The following GRID2 variants were observed in gnomAD, a reference collection of about 807,000 sequenced individuals.
GRID2 encodes the protein glutamate ionotropic receptor delta type subunit 2.
A neutral mutation model predicts 114.8 loss-of-function variants in GRID2; 33 were observed. The observed-to-expected ratio is 0.29, with a 90% CI of 0.22 to 0.38. The LOEUF is 0.38. Among genes scored for constraint, GRID2 ranks in the 10% least tolerant of loss-of-function variants. The probability of loss-of-function intolerance (pLI) is 1.00; values close to 1 mark genes in which losing one functional copy is unlikely to be tolerated. For missense variants in GRID2, 1,184 were observed against 1,257.7 expected (o/e 0.94, Z 0.89); for synonymous variants, 505 against 449.9 (o/e 1.12, Z -1.55).
At chr4:92,448,441 A>G (rs915786309) in intron 1 of GRID2, among the ~76,000 whole-genome samples, 2 of 152,168 alleles carry the variant, frequency 1.3e-5, no homozygotes, top group Admixed American at 1.3e-4. Context: ...TGCTGGAATT[A>G]CAGGCATGAG....
intron 2 of GRID2, among the ~76,000 whole-genome samples, chr4:92,800,651 G>A (rs1335062719): frequency 3.9e-5 from 6 of 151,906 alleles, no homozygotes; most frequent in Non-Finnish European, 7.4e-5. Context: ...CAGAAACAAA[G>A]TGTAAAGCAT....
chr4:93,657,099 A>G (rs1479618123), intron 14 of GRID2, among the ~76,000 whole-genome samples: 1 of 152,056 alleles, frequency 6.6e-6, no homozygotes, highest in African/African-American at 2.4e-5. Flanking sequence ...AACTCTACCT[A>G]GGATAATATA....
chr4:92,892,240 T>A (rs902484605), intron 2 of GRID2, among the ~76,000 whole-genome samples: 2 of 152,126 alleles, frequency 1.3e-5, no homozygotes, highest in Non-Finnish European at 2.9e-5. Flanking sequence ...ATTTTTGTAT[T>A]TTTAGTAGAG....
intron 1 of GRID2, among the ~76,000 whole-genome samples, chr4:92,490,044 G>T (rs1271441083): frequency 6.6e-6 from 1 of 151,954 alleles, no homozygotes; most frequent in African/African-American, 2.4e-5. Context: ...TTAGTCACAG[G>T]GATCACTTTT....
At chr4:92,395,643 C>G (rs762010997) in intron 1 of GRID2, among the ~76,000 whole-genome samples, 1 of 151,722 alleles carries the variant, frequency 6.6e-6, no homozygotes, top group Non-Finnish European at 1.5e-5. Flanking sequence ...CACTATCTAT[C>G]TATGTGTCTC....
chr4:92,911,624 G>A (rs1055628024), intron 2 of GRID2, among the ~76,000 whole-genome samples: 5 of 151,750 alleles, frequency 3.3e-5, no homozygotes, highest in African/African-American at 1.2e-4. Flanking sequence ...ACAATTGCTG[G>A]TGTGTCATGA....
intron 2 of GRID2, among the ~76,000 whole-genome samples, chr4:92,938,233 G>T (rs1750814514): frequency 1.4e-5 from 2 of 146,182 alleles, no homozygotes. Context: ...ATATGCTGCT[G>T]GATTTGGTCT....
chr4:93,386,432 A>G (rs185739333), intron 8 of GRID2, among the ~76,000 whole-genome samples: 189 of 152,264 alleles, frequency 1.2e-3, no homozygotes, highest in African/African-American at 4.4e-3. Context: ...AATATAAACC[A>G]CCATTATTAA....
chr4:93,546,422 C>G (rs963206468), intron 13 of GRID2, among the ~76,000 whole-genome samples: 2 of 152,102 alleles, frequency 1.3e-5, no homozygotes, highest in Non-Finnish European at 2.9e-5. Context: ...AGGGCTGAGC[C>G]AGGTGACTTC....
At chr4:92,384,852 T>TA (rs886676950) in intron 1 of GRID2, among the ~76,000 whole-genome samples, 1 of 149,954 alleles carries the variant, frequency 6.7e-6, no homozygotes, top group African/African-American at 2.5e-5. Flanking sequence ...GTATTGTCCG[T>TA]AAAGATTCAC....
chr4:93,198,509 C>A (rs1397112169), intron 4 of GRID2, among the ~76,000 whole-genome samples: 1 of 152,010 alleles, frequency 6.6e-6, no homozygotes, highest in Admixed American at 6.6e-5. Flanking sequence ...TACAGCTGAA[C>A]CAGAGGGACT....
intron 8 of GRID2, among the ~76,000 whole-genome samples, chr4:93,380,566 C>T (rs1156362944): frequency 1.3e-5 from 2 of 151,404 alleles, no homozygotes; most frequent in Non-Finnish European, 2.9e-5. Context: ...ACAGAAATGT[C>T]TATCTGAGTT....
chr4:93,577,748 G>C (rs1736561549), intron 13 of GRID2, among the ~76,000 whole-genome samples: 1 of 152,186 alleles, frequency 6.6e-6, no homozygotes, highest in African/African-American at 2.4e-5. Context: ...AAGTGAAATG[G>C]CACAGGCCTG....
At chr4:92,791,107 C>G (rs1415544369) in intron 2 of GRID2, among the ~76,000 whole-genome samples, 1 of 151,062 alleles carries the variant, frequency 6.6e-6, no homozygotes, top group African/African-American at 2.4e-5. Flanking sequence ...CTATGATTAT[C>G]AGAACAAAAA....
intron 2 of GRID2, among the ~76,000 whole-genome samples, chr4:93,064,802 T>C (rs553214096): frequency 3.8e-4 from 58 of 152,034 alleles, no homozygotes; most frequent in Middle Eastern, 3.4e-3. Context: ...TATTAGCATA[T>C]GTTTAATGAC....
intron 2 of GRID2, among the ~76,000 whole-genome samples, chr4:92,992,647 G>A (rs558421976): frequency 2.0e-5 from 3 of 152,180 alleles, no homozygotes; most frequent in Non-Finnish European, 2.9e-5. Context: ...ATTTAAGCTT[G>A]GATCAAACAT....
chr4:92,524,753 A>T (rs1560688468), intron 1 of GRID2, among the ~76,000 whole-genome samples: 1 of 151,838 alleles, frequency 6.6e-6, no homozygotes, highest in African/African-American at 2.4e-5. Flanking sequence ...GGGAGTGAAA[A>T]CCTAATATAT....
intron 14 of GRID2, among the ~76,000 whole-genome samples, chr4:93,719,483 A>G (rs1729177234): frequency 6.6e-6 from 1 of 151,834 alleles, no homozygotes; most frequent in Admixed American, 6.6e-5. Flanking sequence ...TTTCTTGCCC[A>G]CATCATAGCT....
chr4:93,030,121 C>T (rs933211987), intron 2 of GRID2, among the ~76,000 whole-genome samples: 1 of 152,100 alleles, frequency 6.6e-6, no homozygotes, highest in Non-Finnish European at 1.5e-5. Flanking sequence ...TTTTTTCTGA[C>T]ACCCATTTTA....
Sources: allele counts gnomAD v4.1 joint callset (sites outside exome capture counted in the v4.1 genomes callset), GRCh38; gene constraint gnomAD v4.1.1; transcripts MANE v1.5; gene names NCBI Gene and HGNC (gene_info 2026-07-23, HGNC 2026-07-21).